The following FUT8 variants were observed in gnomAD, a reference collection of about 807,000 sequenced individuals.
FUT8 encodes the protein fucosyltransferase 8, also known as alpha-(1,6)-fucosyltransferase.
FUT8 carries 29 observed loss-of-function variants against 71.3 expected under a neutral mutation model. The ratio of observed to expected loss-of-function variants is 0.41; its 90% CI spans 0.30 to 0.55. The LOEUF is 0.55. Among genes scored for constraint, FUT8 ranks in the 20% least tolerant of loss-of-function variants. FUT8 has a pLI of 0.34. For missense variants in FUT8, 544 were observed against 702.1 expected (o/e 0.77, Z 2.55); for synonymous variants, 254 against 239.3 (o/e 1.06, Z -0.57).
the FUT8 span, among the ~76,000 whole-genome samples, chr14:65,362,919 G>A: frequency 1.0e-4 from 14 of 137,086 alleles, no homozygotes; most frequent in South Asian, 1.2e-3. Context: ...CTGAGTTTGC[G>A]CCTCTGTACA....
intron 7 of FUT8, among the ~76,000 whole-genome samples, chr14:65,692,335 G>A (rs1893667389): frequency 6.8e-6 from 1 of 147,612 alleles, no homozygotes; most frequent in Non-Finnish European, 1.5e-5. Flanking sequence ...CCTCCCAGAC[G>A]GGGCGGCTGG....
At chr14:65,715,886 A>G (rs1248976523) in intron 7 of FUT8, among the ~76,000 whole-genome samples, 1 of 150,840 alleles carries the variant, frequency 6.6e-6, no homozygotes, top group Non-Finnish European at 1.5e-5. Context: ...CTGAGGTGGG[A>G]GGATCACTTG....
chr14:65,372,956 A>G, the FUT8 span, among the ~76,000 whole-genome samples: 7,322 of 152,254 alleles, frequency 0.048, 221 homozygotes, highest in Middle Eastern at 0.11. Context: ...GGAGCCAACT[A>G]GAACAGAATT....
the FUT8 span, among the ~76,000 whole-genome samples, chr14:65,387,974 C>T: frequency 1.3e-5 from 2 of 151,960 alleles, no homozygotes; most frequent in African/African-American, 4.8e-5. Context: ...TGATCATGGC[C>T]CAGTTATTTA....
At chr14:65,561,874 G>C (rs1885933252) in intron 3 of FUT8, 108 bp downstream of exon 3, 1 of 870,916 alleles carries the variant, frequency 1.1e-6, no homozygotes, top group South Asian at 1.7e-5. Flanking sequence ...ATAACCTGCT[G>C]TCTTTGCCAC....
chr14:65,650,722 AAAAAAAAC>A (rs1430135879), intron 6 of FUT8, among the ~76,000 whole-genome samples: 8 of 147,920 alleles, frequency 5.4e-5, no homozygotes, highest in African/African-American at 1.5e-4. Context: ...AAAAAAAAAA[AAAAAAAAC>A]AAAAAAAACC....
intron 1 of FUT8, among the ~76,000 whole-genome samples, chr14:65,415,382 G>T (rs1030229257): frequency 6.6e-6 from 1 of 152,082 alleles, no homozygotes; most frequent in African/African-American, 2.4e-5. Context: ...GTCTTTTCAT[G>T]CGCTGCAATA....
At chr14:65,619,697 TATTA>T (rs988572297) in intron 5 of FUT8, among the ~76,000 whole-genome samples, 3 of 152,180 alleles carry the variant, frequency 2.0e-5, no homozygotes, top group Admixed American at 1.3e-4. Context: ...TAGAGTAGCA[TATTA>T]ATTATTATCT....
At chr14:65,688,231 C>T (rs1361855994) in intron 7 of FUT8, among the ~76,000 whole-genome samples, 1 of 152,128 alleles carries the variant, frequency 6.6e-6, no homozygotes, top group East Asian at 1.9e-4. Flanking sequence ...AAATCTCATG[C>T]TCCACTTATT....
At chr14:65,436,503 G>A (rs1048676672) in intron 1 of FUT8, among the ~76,000 whole-genome samples, 13 of 151,616 alleles carry the variant, frequency 8.6e-5, no homozygotes, top group Non-Finnish European at 1.5e-4. Flanking sequence ...GGTGGTGGGC[G>A]CCTGTAGTCC....
At chr14:65,381,243 T>C in the FUT8 span, among the ~76,000 whole-genome samples, 2 of 152,228 alleles carry the variant, frequency 1.3e-5, no homozygotes, top group Non-Finnish European at 2.9e-5. Flanking sequence ...TCTTAAATGA[T>C]CTTCTACAGC....
chr14:65,652,082 A>G lies in FUT8; in HGVS notation c.598-17161A>G, dbSNP rs1891436533. Among the ~76,000 whole-genome samples the G allele has an allele frequency of 6.6e-6, 1 of 152,194 alleles. No individual in the cohort carries two copies. Among genetic ancestry groups the G allele is most frequent in the African/African-American group, 2.4e-5 (1 of 41,458 alleles). On this transcript the variant is annotated intron_variant, in intron 6 of 10. Coordinates refer to ENST00000673929, the MANE Select transcript of FUT8 (RefSeq NM_001371533.1). This position sits in a 1 kb window ranked among gnomAD's most constrained non-coding sequence, Gnocchi z 4.0. ...GACAAGGATGGCTGGCAACCACCAG[A>G]AGCCGGGAGAGAGACATGGAACAAC... is the stretch of plus-strand genomic sequence containing the variant.
At chr14:65,654,620 T>C (rs935575593) in intron 6 of FUT8, among the ~76,000 whole-genome samples, 2 of 151,918 alleles carry the variant, frequency 1.3e-5, no homozygotes, top group Admixed American at 1.3e-4. Flanking sequence ...TAAAAAGATA[T>C]TTTAAAACAC....
chr14:65,379,288 G>T, the FUT8 span, among the ~76,000 whole-genome samples: 3 of 152,082 alleles, frequency 2.0e-5, no homozygotes, highest in African/African-American at 7.2e-5. Context: ...CCAGCACTTT[G>T]GGGGGCTGAG....
intron 2 of FUT8, among the ~76,000 whole-genome samples, chr14:65,525,452 CTT>C (rs1413500151): frequency 6.6e-6 from 1 of 152,156 alleles, no homozygotes; most frequent in Non-Finnish European, 1.5e-5. Context: ...ATTCTTCTCT[CTT>C]TACTTCTTTA....
chr14:65,737,414 C>T (rs1482948410), intron 10 of FUT8, among the ~76,000 whole-genome samples: 5 of 152,084 alleles, frequency 3.3e-5, no homozygotes, highest in African/African-American at 1.2e-4. Flanking sequence ...CAACTACATT[C>T]TAAAACGTTC....
chr14:65,643,541 C>T lies in FUT8; in HGVS notation c.597+13935C>T, dbSNP rs1594852203. ...TGGTGGCGGGCACCTGTAGTCTCAG[C>T]TACTCAGGAGGCTGAGGCAGGAGAA... On this transcript the variant is annotated intron_variant, in intron 6 of 10. Transcript: ENST00000673929. This position sits in a 1 kb window ranked among gnomAD's most constrained non-coding sequence, Gnocchi z 4.5. Among the ~76,000 whole-genome samples the T allele has an allele frequency of 1.3e-5, 2 of 152,198 alleles. No homozygotes were observed. Among genetic ancestry groups the T allele is most frequent in the South Asian group, 4.1e-4 (2 of 4,820 alleles).
chr14:65,471,758 C>A (rs750010796), intron 2 of FUT8, among the ~76,000 whole-genome samples: 5 of 151,728 alleles, frequency 3.3e-5, no homozygotes, highest in Admixed American at 6.6e-5. Context: ...TTTTTTACCC[C>A]CAGCTTTTTT....
chr14:65,454,607 G>A (rs2065872081), intron 1 of FUT8, among the ~76,000 whole-genome samples: 1 of 152,170 alleles, frequency 6.6e-6, no homozygotes, highest in African/African-American at 2.4e-5. Context: ...AGACTTTGAT[G>A]TCATTGGAGA....
Sources: allele counts gnomAD v4.1 joint callset (sites outside exome capture counted in the v4.1 genomes callset), GRCh38; gene constraint gnomAD v4.1.1; non-coding constraint Gnocchi (gnomAD v3.1); transcripts MANE v1.5; gene names NCBI Gene and HGNC (gene_info 2026-07-23, HGNC 2026-07-21).